TTLL2: variants seen among roughly 807,000 people sequenced by gnomAD.
TTLL2 encodes the protein tubulin tyrosine ligase like 2.
A neutral mutation model predicts 7.5 loss-of-function variants in TTLL2; 10 were observed. That is an observed-to-expected ratio of 1.33 (90% CI 0.82 to 2.25). The LOEUF (loss-of-function observed/expected upper bound fraction) is 2.25. Ranked by LOEUF, TTLL2 falls within the 30% of genes most tolerant of loss-of-function variation. TTLL2 has a pLI of 0.00. For missense variants in TTLL2, 733 were observed against 735.7 expected (o/e 1.00, Z 0.04); for synonymous variants, 284 against 280.3 (o/e 1.01, Z -0.13).
intron 1 of TTLL2, among the ~76,000 whole-genome samples, chr6:167,335,589 A>T (rs1778974290): frequency 6.7e-6 from 1 of 150,078 alleles, no homozygotes; most frequent in Admixed American, 6.6e-5. Flanking sequence ...CAACAATGAT[A>T]GACTGGATTA....
chr6:167,339,665 T>C (rs1008410513), intron 2 of TTLL2, among the ~76,000 whole-genome samples: 6 of 152,194 alleles, frequency 3.9e-5, no homozygotes, highest in Non-Finnish European at 8.8e-5. Flanking sequence ...ACTAATTTTA[T>C]GACATCATTG....
In TTLL2 at chr6:167,340,656, T is replaced by G. The variant is rs755088321; in HGVS notation, c.756T>G (p.Tyr252Ter). Reference protein sequence around the residue: ...YISNPLLIGRYKCDLRIYVCV... With the variant: ...YISNPLLIGR Reference sequence around the variant, plus strand: ...CCAATCCTTTACTTATTGGCAGATATAAATGTGATCTCCGCATCTATGTTT... The same window carrying G: ...CCAATCCTTTACTTATTGGCAGATAGAAATGTGATCTCCGCATCTATGTTT... The change falls in exon 3 of 3, where the codon TAT becomes TAG. Residue 252 changes from tyrosine (Y) to a stop codon, truncating the protein, a stop_gained. Coordinates refer to ENST00000239587, the MANE Select transcript of TTLL2 (RefSeq NM_031949.5). LOFTEE classifies it low-confidence loss of function (END_TRUNC). The G allele has an allele frequency of 6.2e-7, 1 of 1,614,196 alleles. No individual in the cohort carries two copies. Among genetic ancestry groups the G allele is most frequent in the East Asian group, 2.2e-5 (1 of 44,896 alleles).
At chr6:167,336,117 C>G (rs73266962) in intron 1 of TTLL2, among the ~76,000 whole-genome samples, 3,216 of 152,000 alleles carry the variant, frequency 0.021, 131 homozygotes, top group African/African-American at 0.074. Flanking sequence ...ACACAGGTGC[C>G]GTTGCCTCTT....
chr6:167,341,532 C>T lies in TTLL2; in HGVS notation c.1632C>T (p.Asp544=), dbSNP rs370001138. ...KTKTSPCVLS[D]RGKAPDPQAG... ...AGACCTCCCCGTGTGTCCTGTCAGA[C>T]CGTGGCAAAGCTCCAGATCCCCAAG... is the stretch of plus-strand genomic sequence containing the variant. Residue 544 remains aspartate, a synonymous_variant, in exon 3 of 3, where the codon GAC becomes GAT. Transcript: ENST00000239587. 1.5e-5 allele frequency: 25 copies of T among 1,614,080 alleles called. No individual in the cohort carries two copies. The African/African-American group carries it at 2.9e-4, about 19-fold the overall frequency.
chr6:167,325,191 G>A lies in TTLL2; in HGVS notation c.18G>A (p.Leu6=). The change falls in exon 1 of 3, where the codon CTG becomes CTA. Residue 6 remains leucine (L), a synonymous_variant. Transcript: ENST00000239587. Reference sequence around the variant, plus strand: ...AGCGCCCAATGAGAGGGCGGGACCTGTGTTCCTCCACACAAAGCCAGGCGC... The same window carrying A: ...AGCGCCCAATGAGAGGGCGGGACCTATGTTCCTCCACACAAAGCCAGGCGC... The part of the protein sequence containing the change: MRGRD[L]CSSTQSQALG... The A allele has an allele frequency of 3.2e-6, 5 of 1,579,152 alleles. No individual in the cohort carries two copies. The highest frequency in any genetic ancestry group is 4.3e-6 in the Non-Finnish European group (5 of 1,163,278).
chr6:167,333,242 A>C (rs2115215164), intron 1 of TTLL2, among the ~76,000 whole-genome samples: 1 of 90,650 alleles, frequency 1.1e-5, no homozygotes, highest in East Asian at 3.1e-4. Flanking sequence ...GCTGGATTAC[A>C]TTTATTGATT....
chr6:167,335,829 G>A (rs1166743538), intron 1 of TTLL2, among the ~76,000 whole-genome samples: 1 of 120,514 alleles, frequency 8.3e-6, no homozygotes, highest in Non-Finnish European at 1.7e-5. Flanking sequence ...GGTGGGGTGG[G>A]GGGAGGGGGG....
At chr6:167,326,860 C>A (rs977409770) in intron 1 of TTLL2, among the ~76,000 whole-genome samples, 17 of 152,098 alleles carry the variant, frequency 1.1e-4, no homozygotes, top group African/African-American at 3.9e-4. Flanking sequence ...CAATGTAAAT[C>A]AAAGAAAATG....
intron 2 of TTLL2, 126 bp downstream of exon 2, chr6:167,338,929 T>C: frequency 1.0e-6 from 1 of 999,882 alleles, no homozygotes; most frequent in Non-Finnish European, 1.4e-6. Flanking sequence ...CCTCCTTCTC[T>C]CCTTCCTTCC....
intron 1 of TTLL2, among the ~76,000 whole-genome samples, chr6:167,331,638 A>G (rs56124512): frequency 0.022 from 3,277 of 152,310 alleles, 136 homozygotes; most frequent in African/African-American, 0.075. Flanking sequence ...AAATATGGCC[A>G]GAGAAGGGCT....
intron 1 of TTLL2, among the ~76,000 whole-genome samples, chr6:167,337,894 A>C (rs1243339965): frequency 1.1e-4 from 17 of 151,894 alleles, no homozygotes; most frequent in Admixed American, 1.0e-3. Context: ...AGCAGCATAC[A>C]CACAATGCAC....
intron 1 of TTLL2, among the ~76,000 whole-genome samples, chr6:167,326,380 G>A (rs147610678): frequency 1.6e-4 from 25 of 152,038 alleles, no homozygotes; most frequent in African/African-American, 5.6e-4. Context: ...TCAAAAAACG[G>A]GACTGTCTCA....
intron 1 of TTLL2, chr6:167,328,145 CTT>C (rs1305617242): frequency 8.8e-6 from 4 of 456,020 alleles, no homozygotes; most frequent in African/African-American, 4.0e-5. Context: ...GAAAAAGACT[CTT>C]AGTTATTTTT....
In TTLL2 at chr6:167,341,031, T is replaced by C. The variant is rs752600600; in HGVS notation, c.1131T>C (p.Asp377=). The C allele has an allele frequency of 5.0e-6, 8 of 1,614,124 alleles. No homozygotes were observed. In the Admixed American group the frequency reaches 1.0e-4, roughly 20 times the overall value. ...FELFGFDILI[D]DNLKPWLLEV... The stretch of plus-strand genomic sequence containing the variant: ...TCTTTGGGTTTGATATTTTGATTGA[T>C]GACAACTTGAAACCATGGCTTTTAG... Residue 377 remains aspartate, a synonymous_variant, in exon 3 of 3, where the codon GAT becomes GAC. Coordinates refer to ENST00000239587, the MANE Select transcript of TTLL2 (RefSeq NM_031949.5).
chr6:167,325,994 G>T (rs1778843826), intron 1 of TTLL2, among the ~76,000 whole-genome samples: 1 of 152,198 alleles, frequency 6.6e-6, no homozygotes, highest in Non-Finnish European at 1.5e-5. Context: ...CCGGCCTGTA[G>T]CCTCCACACC....
At chr6:167,334,462 G>A (rs575690504) in intron 1 of TTLL2, among the ~76,000 whole-genome samples, 3,014 of 151,626 alleles carry the variant, frequency 0.02, 115 homozygotes, top group African/African-American at 0.07. Flanking sequence ...TATTAGGTCC[G>A]CTTGGTGCAG....
In TTLL2 at chr6:167,341,200, A is replaced by C; in HGVS notation, c.1300A>C (p.Asn434His). 1.2e-5 allele frequency: 19 copies of C among 1,613,712 alleles called. No homozygotes were observed. The highest frequency in any genetic ancestry group is 1.6e-5 in the Non-Finnish European group (19 of 1,179,960). ...GREASNATHG[N>H]SNIDAAKSDR... ...AGAAGCCAGTAATGCCACACATGGAAATTCCAACATCGACGCTGCAAAAAG... is the reference window on the plus strand; with the variant it reads ...AGAAGCCAGTAATGCCACACATGGACATTCCAACATCGACGCTGCAAAAAG... The change falls in exon 3 of 3, where the codon AAT (asparagine) becomes CAT (histidine). Residue 434 changes from asparagine to histidine, a missense_variant. By Grantham distance (68) the Asn-to-His change is moderately conservative. Transcript: ENST00000239587.
In TTLL2 at chr6:167,341,173, A is replaced by G. The variant is rs909545; in HGVS notation, c.1273A>G (p.Arg425Gly). The G allele has an allele frequency of 0.79, 1,277,797 of 1,613,494 alleles. 507,397 individuals carry two copies. The highest frequency in any genetic ancestry group is 0.95 in the African/African-American group (71,150 of 74,770). ...CTTAAATGGTCTAAGAAATGAGGGG[A>G]GAGAAGCCAGTAATGCCACACATGG... ...IYLNGLRNEG[R>G]EASNATHGNS... The change falls in exon 3 of 3, where the codon AGA becomes GGA. Residue 425 changes from arginine (R) to glycine (G), a missense_variant. Transcript: ENST00000239587.
In TTLL2 at chr6:167,341,350, C is replaced by T. The variant is rs142723528; in HGVS notation, c.1450C>T (p.Pro484Ser). 112 of 1,613,730 alleles carry T rather than the reference C, an allele frequency of 6.9e-5. No homozygotes were observed. The highest frequency in any genetic ancestry group is 9.1e-5 in the Non-Finnish European group (107 of 1,180,018). ...TGTGAGTGTGCGTCCTGAAGCTGCA[C>T]CTGCCTCCCAGCTGGAAGGAGAGAT... ...KAVSVRPEAA[P>S]ASQLEGEMSG... The change falls in exon 3 of 3, where the codon CCT (proline) becomes TCT (serine). Residue 484 changes from proline (P) to serine (S), a missense_variant. Pro to Ser is a moderately conservative substitution (Grantham distance 74). Transcript: ENST00000239587.
Sources: gnomAD v4.1 joint callset for allele counts (sites outside exome capture counted in the v4.1 genomes callset) on GRCh38, gnomAD v4.1.1 for gene constraint, MANE v1.5 for transcripts, NCBI Gene and HGNC (gene_info 2026-07-23, HGNC 2026-07-21) for gene names.